Variants in CLCN2 observed in about 807,000 individuals in gnomAD.
The protein encoded by CLCN2 is chloride channel protein 2.
CLCN2 carries 72 observed loss-of-function variants against 108.3 expected under a neutral mutation model. The ratio of observed to expected loss-of-function variants is 0.66; its 90% CI spans 0.55 to 0.81. The LOEUF is 0.81. CLCN2 is among the 30% of genes least tolerant of loss of function. CLCN2 has a pLI of 0.00. For missense variants in CLCN2, 1,048 were observed against 1,205.2 expected (o/e 0.87, Z 1.93); for synonymous variants, 471 against 467.1 (o/e 1.01, Z -0.11).
intron 1 of CLCN2, among the ~76,000 whole-genome samples, chr3:184,360,294 G>A (rs1302868528): frequency 6.6e-6 from 1 of 152,036 alleles, no homozygotes; most frequent in Non-Finnish European, 1.5e-5. Context: ...GACAGAGCTC[G>A]ACCCTGAGAG....
intron 22 of CLCN2, chr3:184,349,169 T>C (rs551227923): frequency 2.0e-5 from 3 of 152,184 alleles, no homozygotes; most frequent in African/African-American, 4.8e-5. Context: ...CATTACAGTA[T>C]TTTTTTTAAA....
chr3:184,354,191 A>T lies in CLCN2; in HGVS notation c.1631T>A (p.Val544Asp), dbSNP rs1728352417. The T allele has an allele frequency of 6.2e-7, 1 of 1,613,266 alleles. No individual in the cohort carries two copies. The highest frequency in any genetic ancestry group is 1.3e-5 in the African/African-American group (1 of 74,758). ...VMIAVILANA[V>D]AQSLQPSLYD... ...GAGGGAGGGCTGCAGACTCTGGGCG[A>T]CAGCGTTGGCCAGGATGACGGCGAT... Residue 544 changes from valine (V) to aspartate (D), a missense_variant, in exon 15 of 24, where the codon GTC becomes GAC. Val to Asp is a radical substitution (Grantham distance 152). Transcript: ENST00000265593.
At chr3:184,358,945 C>T (rs576946354) in intron 2 of CLCN2, 30 bp downstream of exon 2, 2 of 1,613,530 alleles carry the variant, frequency 1.2e-6, no homozygotes. Context: ...ACAGCACAGC[C>T]AGGTCCCCTG....
Position 184,358,167 on chromosome 3 carries a change from TCTC to T in CLCN2, c.481+12_481+14del. The T allele has an allele frequency of 6.2e-7, 1 of 1,614,110 alleles. No homozygotes were observed. Among genetic ancestry groups the T allele is most frequent in the Non-Finnish European group, 8.5e-7 (1 of 1,180,018 alleles). The stretch of plus-strand genomic sequence containing the variant: ...AGGGGTCCCGCCTCTGCCCTCCCCT[TCTC>T]TTCTAACATACCGACAGCCTGAGGG... On this transcript the variant is annotated intron_variant, in intron 4 of 23. Coordinates refer to ENST00000265593, the MANE Select transcript of CLCN2 (RefSeq NM_004366.6).
chr3:184,359,077 G>C lies in CLCN2; in HGVS notation c.118C>G (p.Arg40Gly). Residue 40 changes from arginine to glycine, a missense_variant, in exon 2 of 24, where the codon CGG (arginine) becomes GGG (glycine). Arg to Gly is a moderately radical substitution (Grantham distance 125). Transcript: ENST00000265593. ...GGTTCAGGCCCTCCCAGGCGAATCC[G>C]AGCAGCTTCCTCTTTGGCAAAGGCC... ...LGAFAKEEAA[R>G]IRLGGPEPWK... The C allele has an allele frequency of 6.2e-7, 1 of 1,613,702 alleles. No individual in the cohort carries two copies. The highest frequency in any genetic ancestry group is 1.6e-4 in the Middle Eastern group (1 of 6,062).
chr3:184,358,654 T>C (rs539498412), intron 3 of CLCN2, 28 bp downstream of exon 3: 3 of 1,557,780 alleles, frequency 1.9e-6, no homozygotes, highest in Non-Finnish European at 2.6e-6. Flanking sequence ...TTATTCCCAG[T>C]CCTCCCCCTG....
Position 184,355,895 on chromosome 3 carries a change from CAGA to C in CLCN2, c.1086-120_1086-118del. 10 of 810,582 alleles carry C rather than the reference CAGA, an allele frequency of 1.2e-5. No homozygotes were observed. In the South Asian group the frequency reaches 1.4e-4, roughly 12 times the overall value. The allele number at this position is 810,582 out of a possible 1,614,324, so 50.2% of individuals were successfully genotyped here. On this transcript the variant is annotated intron_variant, in intron 10 of 23. Transcript: ENST00000265593. The surrounding 1 kb of genome is among the most constrained non-coding windows in gnomAD (Gnocchi z 6.3). ...CTTTCATGAAAACACTCAGTCCTGA[CAGA>C]AGGTCTCCTTTGCTGTTTATGATAC...
rs1435584894 is a variant in CLCN2 at position 184,354,275 on chromosome 3, G to C, written c.1547C>G (p.Ser516Cys). The C allele has an allele frequency of 1.2e-6, 2 of 1,613,036 alleles. No individual in the cohort carries two copies. The highest frequency in any genetic ancestry group is 2.2e-5 in the South Asian group (2 of 91,070). ...ALAGAVTHTV[S>C]TAVIVFELTG... ...GAGCTCGAACACGATCACAGCCGTG[G>C]ACACTGTGTGTGTCACCGCTCCTGC... Residue 516 changes from serine (S) to cysteine (C), a missense_variant, in exon 15 of 24, where the codon TCC becomes TGC. By Grantham distance (112) the Ser-to-Cys change is moderately radical. Transcript: ENST00000265593.
rs1728518884 is a variant in CLCN2 at position 184,355,974 on chromosome 3, T to G, written c.1086-196A>C. The stretch of plus-strand genomic sequence containing the variant: ...TGGGGTTATTCTAAGAGCAGGGGTC[T>G]GACCCAAAGACCTTTCTGTCAGCCC... On this transcript the variant is annotated intron_variant, in intron 10 of 23. Coordinates refer to ENST00000265593, the MANE Select transcript of CLCN2 (RefSeq NM_004366.6). The surrounding 1 kb of genome is among the most constrained non-coding windows in gnomAD (Gnocchi z 6.3). 1 of 598,634 alleles carries G rather than the reference T, an allele frequency of 1.7e-6. No homozygotes were observed. The highest frequency in any genetic ancestry group is 1.8e-5 in the African/African-American group (1 of 54,254). The allele number at this position is 598,634 out of a possible 1,614,324, so 37.1% of individuals were successfully genotyped here. A position where few individuals can be genotyped will look rare whatever the true frequency, so the allele number is the denominator to read the frequency against.
chr3:184,353,110 C>T lies in CLCN2; in HGVS notation c.2066G>A (p.Gly689Glu). 1 of 1,614,174 alleles carries T rather than the reference C, an allele frequency of 6.2e-7. No individual in the cohort carries two copies. Among genetic ancestry groups the T allele is most frequent in the Non-Finnish European group, 8.5e-7 (1 of 1,180,028 alleles). ...TEDSAFPAAR[G>E]ETHKPLKPAL... ...AGGCTTTAGGGGCTTGTGGGTCTCC[C>T]CCCGGGCTGCTGGGAAGGCTGAGTC... Residue 689 changes from glycine (G) to glutamate (E), a missense_variant, in exon 18 of 24, where the codon GGG (glycine) becomes GAG (glutamate). Coordinates refer to ENST00000265593, the MANE Select transcript of CLCN2 (RefSeq NM_004366.6).
chr3:184,356,667 T>A, intron 10 of CLCN2: 3 of 312,950 alleles, frequency 9.6e-6, no homozygotes, highest in East Asian at 7.4e-5. Flanking sequence ...AGAGATCTCA[T>A]CTATCCCCAT....
chr3:184,352,312 C>G lies in CLCN2; in HGVS notation c.2291G>C (p.Gly764Ala), dbSNP rs1237013650. ...ISLASDADLE[G>A]EMSPEEILEW... ...CCTTACCTCTTCAGGGCTCATCTCG[C>G]CTTCCAGGTCCGCGTCACTCTAGTA... Residue 764 changes from glycine (G) to alanine (A), a missense_variant, in exon 21 of 24, where the codon GGC becomes GCC. Coordinates refer to ENST00000265593, the MANE Select transcript of CLCN2 (RefSeq NM_004366.6). 1.9e-6 allele frequency: 3 copies of G among 1,613,508 alleles called. No homozygotes were observed. The highest frequency in any genetic ancestry group is 2.7e-5 in the African/African-American group (2 of 74,912).
At chr3:184,351,060 C>T (rs1728054597) in intron 22 of CLCN2, among the ~76,000 whole-genome samples, 1 of 152,168 alleles carries the variant, frequency 6.6e-6, no homozygotes, top group Non-Finnish European at 1.5e-5. Context: ...CCAAGGACTT[C>T]TAAGTTCCTT....
intron 4 of CLCN2, 34 bp downstream of exon 4, chr3:184,358,148 C>G: frequency 6.2e-7 from 1 of 1,614,062 alleles, no homozygotes; most frequent in Non-Finnish European, 8.5e-7. Context: ...TTTCAGGGGT[C>G]CCGCCTCTGC....
At chr3:184,358,425 G>A in intron 3 of CLCN2, 115 bp from the exon 4 acceptor site, 1 of 1,481,128 alleles carries the variant, frequency 6.8e-7, no homozygotes, top group Non-Finnish European at 9.4e-7. Context: ...GTCAGGGCAT[G>A]GGTGAAGGAA....
intron 10 of CLCN2, chr3:184,356,722 T>G: frequency 2.1e-6 from 1 of 486,528 alleles, no homozygotes. Flanking sequence ...CCAGGGAGCA[T>G]TCCTATATGG....
In CLCN2 at chr3:184,355,259, T is replaced by C; in HGVS notation, c.1326+115A>G. 1 of 1,190,718 alleles carries C rather than the reference T, an allele frequency of 8.4e-7. No individual in the cohort carries two copies. The highest frequency in any genetic ancestry group is 2.3e-5 in the East Asian group (1 of 42,812). 73.8% of individuals were successfully genotyped at this position (1,190,718 alleles called of 1,614,324 possible). On this transcript the variant is annotated intron_variant, in intron 12 of 23. Coordinates refer to ENST00000265593, the MANE Select transcript of CLCN2 (RefSeq NM_004366.6). The surrounding 1 kb of genome is among the most constrained non-coding windows in gnomAD (Gnocchi z 6.3). ...TCCCCCATCTTTCAAACGGGGGTGA[T>C]AATAGTGCCTTTCCCATGGCACTGT...
chr3:184,350,054 C>G (rs1323600117), intron 22 of CLCN2, among the ~76,000 whole-genome samples: 2 of 152,220 alleles, frequency 1.3e-5, no homozygotes, highest in African/African-American at 2.4e-5. Context: ...GAATTCTAAT[C>G]TTTTATGTTC....
chr3:184,359,374 A>G (rs1711682196), intron 1 of CLCN2, among the ~76,000 whole-genome samples: 1 of 152,208 alleles, frequency 6.6e-6, no homozygotes, highest in Admixed American at 6.5e-5. Flanking sequence ...TGGCAGAATA[A>G]TCGGTCCTCT....
Sources: gnomAD v4.1 joint callset for allele counts (sites outside exome capture counted in the v4.1 genomes callset) on GRCh38, gnomAD v4.1.1 for gene constraint, Gnocchi (gnomAD v3.1) non-coding constraint, MANE v1.5 for transcripts, NCBI Gene and HGNC (gene_info 2026-07-23, HGNC 2026-07-21) for gene names.